JAM2: variants seen among roughly 807,000 people sequenced by gnomAD.
JAM2 encodes junctional adhesion molecule 2.
In JAM2, 17 loss-of-function variants were observed where a neutral mutation model predicts 42.0. The observed-to-expected ratio is 0.40, with a 90% confidence interval of 0.28 to 0.61. The LOEUF is 0.61. Ranked by LOEUF, JAM2 falls within the 20% of genes least tolerant of loss-of-function variation. The pLI is 0.37. For missense variants in JAM2, 319 were observed against 358.3 expected (o/e 0.89, Z 0.89); for synonymous variants, 118 against 128.6 (o/e 0.92, Z 0.56).
chr21:25,647,933 G>A (rs1437834079), intron 1 of JAM2, among the ~76,000 whole-genome samples: 1 of 152,196 alleles, frequency 6.6e-6, no homozygotes, highest in South Asian at 2.1e-4. Flanking sequence ...CTAGAGGGCT[G>A]GGCGCTGTGA....
At chr21:25,712,077 C>A in intron 8 of JAM2, 1 of 394,512 alleles carries the variant, frequency 2.5e-6, no homozygotes, top group South Asian at 3.0e-5. Flanking sequence ...TTTGTGTATT[C>A]CACAAAAATC....
At chr21:25,676,012 G>A (rs1258029582) in intron 1 of JAM2, among the ~76,000 whole-genome samples, 2 of 152,058 alleles carry the variant, frequency 1.3e-5, no homozygotes, top group Non-Finnish European at 2.9e-5. Flanking sequence ...TTCAGGCCGG[G>A]TGCAGTGGCT....
At chr21:25,707,030 G>A (rs561292737) in intron 7 of JAM2, among the ~76,000 whole-genome samples, 45 of 152,206 alleles carry the variant, frequency 3.0e-4, no homozygotes, top group African/African-American at 9.2e-4. Flanking sequence ...GAGCCACCGC[G>A]CCCAGACAAG....
At chr21:25,700,880 G>A (rs1478092453) in intron 5 of JAM2, among the ~76,000 whole-genome samples, 3 of 152,188 alleles carry the variant, frequency 2.0e-5, no homozygotes, top group Admixed American at 2.0e-4. Context: ...GAGCAACTGG[G>A]CAGAAAAACC....
At chr21:25,645,073 G>A (rs1252550646) in intron 1 of JAM2, among the ~76,000 whole-genome samples, 1 of 152,170 alleles carries the variant, frequency 6.6e-6, no homozygotes. Context: ...TAGAGACTGG[G>A]TTTCGTCATG....
chr21:25,713,613 C>G (rs1374320113), intron 9 of JAM2, among the ~76,000 whole-genome samples: 2 of 152,204 alleles, frequency 1.3e-5, no homozygotes, highest in African/African-American at 4.8e-5. Flanking sequence ...TGCTTACCCA[C>G]TTTTCTGTAA....
chr21:25,640,438 T>G (rs925053557), intron 1 of JAM2, among the ~76,000 whole-genome samples: 3 of 152,224 alleles, frequency 2.0e-5, no homozygotes, highest in African/African-American at 7.2e-5. Flanking sequence ...CCTCTCCACC[T>G]GCACATCTAC....
At chr21:25,646,420 C>G (rs186471073) in intron 1 of JAM2, among the ~76,000 whole-genome samples, 28 of 152,290 alleles carry the variant, frequency 1.8e-4, no homozygotes, top group Non-Finnish European at 2.8e-4. Flanking sequence ...CTCTCCCACA[C>G]GTAAGTTTAT....
At chr21:25,690,335 CCTTT>C (rs916175450) in intron 3 of JAM2, among the ~76,000 whole-genome samples, 8 of 150,390 alleles carry the variant, frequency 5.3e-5, no homozygotes, top group African/African-American at 7.3e-5. Flanking sequence ...CCCTTTCTTG[CCTTT>C]CTTTCTTTTT....
intron 2 of JAM2, among the ~76,000 whole-genome samples, chr21:25,685,050 T>A (rs559048501): frequency 6.6e-6 from 1 of 152,310 alleles, no homozygotes; most frequent in Non-Finnish European, 1.5e-5. Context: ...AAGAAACAGA[T>A]CCTAAATGTC....
chr21:25,678,970 T>C (rs1320193458), intron 1 of JAM2, among the ~76,000 whole-genome samples: 1 of 152,156 alleles, frequency 6.6e-6, no homozygotes, highest in African/African-American at 2.4e-5. Flanking sequence ...CAGATAATTT[T>C]TAAAAATTTT....
At chr21:25,688,925 G>T (rs1020296074) in intron 2 of JAM2, among the ~76,000 whole-genome samples, 1 of 151,938 alleles carries the variant, frequency 6.6e-6, no homozygotes, top group African/African-American at 2.4e-5. Context: ...ACATTCTAGA[G>T]AGCCTGGTTA....
At chr21:25,694,026 C>A in intron 4 of JAM2, 118 bp downstream of exon 4, 2 of 935,232 alleles carry the variant, frequency 2.1e-6, no homozygotes, top group Non-Finnish European at 3.2e-6. Flanking sequence ...CTCAACCAGT[C>A]AAGTTACAGA....
intron 2 of JAM2, among the ~76,000 whole-genome samples, chr21:25,686,565 G>C (rs2033756126): frequency 6.6e-6 from 1 of 152,208 alleles, no homozygotes; most frequent in African/African-American, 2.4e-5. Flanking sequence ...TCCCATGATA[G>C]TGCCAAGAGC....
chr21:25,698,168 A>G (rs1424087144), intron 4 of JAM2, among the ~76,000 whole-genome samples: 1 of 152,248 alleles, frequency 6.6e-6, no homozygotes, highest in Admixed American at 6.5e-5. Flanking sequence ...GTTGCTTAAT[A>G]GTAAGTTCCT....
Position 25,698,786 on chromosome 21 carries a change from G to T in JAM2, c.504G>T (p.Trp168Cys). The change falls in exon 5 of 10, where the codon TGG (tryptophan) becomes TGT (cysteine). Residue 168 changes from tryptophan (W) to cysteine (C), a missense_variant. Trp to Cys is a radical substitution (Grantham distance 215). Transcript: ENST00000480456. ...KEGNPAPEYTWFKDGIRLLEN... is the reference protein window; with the variant it reads ...KEGNPAPEYTCFKDGIRLLEN... ...GGAATCCAGCTCCTGAATACACATG[G>T]TTTAAGGATGGCATCCGTTTGCTAG... is the stretch of plus-strand genomic sequence containing the variant. 2 of 1,614,064 alleles carry T rather than the reference G, an allele frequency of 1.2e-6. No homozygotes were observed. The highest frequency in any genetic ancestry group is 2.2e-5 in the South Asian group (2 of 91,072).
At chr21:25,658,267 G>A (rs8126558) in intron 1 of JAM2, among the ~76,000 whole-genome samples, 1 of 151,904 alleles carries the variant, frequency 6.6e-6, no homozygotes, top group Admixed American at 6.6e-5. Context: ...TAACTCCAAG[G>A]TTGTAAACTT....
intron 7 of JAM2, among the ~76,000 whole-genome samples, chr21:25,707,592 ACTTCACAC>A (rs1297604192): frequency 6.6e-6 from 1 of 152,196 alleles, no homozygotes; most frequent in African/African-American, 2.4e-5. Flanking sequence ...ACCTCTTGTA[ACTTCACAC>A]CTCCATTTGA....
intron 1 of JAM2, among the ~76,000 whole-genome samples, chr21:25,676,026 G>A (rs1000293882): frequency 5.9e-5 from 9 of 152,136 alleles, no homozygotes; most frequent in Admixed American, 3.9e-4. Context: ...AGTGGCTCAC[G>A]TCTGTAATCC....
Sources: allele counts gnomAD v4.1 joint callset (sites outside exome capture counted in the v4.1 genomes callset), GRCh38; gene constraint gnomAD v4.1.1; transcripts MANE v1.5; gene names NCBI Gene and HGNC (gene_info 2026-07-23, HGNC 2026-07-21).